The following ZBTB7C variants were observed in gnomAD, a reference collection of about 807,000 sequenced individuals.
The protein encoded by ZBTB7C is zinc finger and BTB domain containing 7C.
A neutral mutation model predicts 25.7 loss-of-function variants in ZBTB7C; 8 were observed. The ratio of observed to expected loss-of-function variants is 0.31; its 90% CI spans 0.18 to 0.56. ZBTB7C has a LOEUF of 0.56. Among genes scored for constraint, ZBTB7C ranks in the 20% least tolerant of loss-of-function variants. ZBTB7C has a pLI of 0.91. For synonymous variants in ZBTB7C, 394 were observed against 369.0 expected, an observed-to-expected ratio of 1.07 and a Z score of -0.78; for missense variants, 824 against 855.2, an observed-to-expected ratio of 0.96 and a Z score of 0.46.
At chr18:48,327,990 C>T (rs1233692594) in intron 2 of ZBTB7C, among the ~76,000 whole-genome samples, 4 of 151,820 alleles carry the variant, frequency 2.6e-5, no homozygotes, top group Admixed American at 1.3e-4. Flanking sequence ...GGGCGGATCA[C>T]GAGGTCAGGA....
At chr18:48,222,010 T>C (rs967197604) in intron 2 of ZBTB7C, among the ~76,000 whole-genome samples, 1 of 152,060 alleles carries the variant, frequency 6.6e-6, no homozygotes, top group East Asian at 1.9e-4. Flanking sequence ...AGTCTCCCTC[T>C]ATACTGTCCT....
intron 3 of ZBTB7C, among the ~76,000 whole-genome samples, chr18:48,075,487 G>A (rs982693471): frequency 2.6e-5 from 4 of 152,230 alleles, no homozygotes; most frequent in Non-Finnish European, 2.9e-5. Flanking sequence ...TGGAGTTCCA[G>A]GAAACACAGA....
At chr18:48,055,888 C>T (rs1170619259) in intron 3 of ZBTB7C, among the ~76,000 whole-genome samples, 1 of 152,206 alleles carries the variant, frequency 6.6e-6, no homozygotes, top group African/African-American at 2.4e-5. Flanking sequence ...CCCATCTCCA[C>T]CCTGGACTGA....
At chr18:48,361,151 T>C (rs1568399920) in intron 1 of ZBTB7C, among the ~76,000 whole-genome samples, 1 of 152,150 alleles carries the variant, frequency 6.6e-6, no homozygotes, top group Non-Finnish European at 1.5e-5. Flanking sequence ...CTCATCTCCC[T>C]GCGTCAGGCC....
chr18:48,139,511 T>C (rs907315461), intron 3 of ZBTB7C, among the ~76,000 whole-genome samples: 13 of 151,994 alleles, frequency 8.6e-5, no homozygotes, highest in African/African-American at 2.9e-4. Flanking sequence ...GGGTAGGCTA[T>C]GGGTGGTGCC....
chr18:48,241,939 A>C (rs1226542205), intron 2 of ZBTB7C, among the ~76,000 whole-genome samples: 1 of 152,186 alleles, frequency 6.6e-6, no homozygotes, highest in Non-Finnish European at 1.5e-5. Context: ...AACAAAATTG[A>C]AAGACCATTA....
intron 2 of ZBTB7C, among the ~76,000 whole-genome samples, chr18:48,187,850 A>T (rs2145141850): frequency 1.4e-5 from 2 of 147,656 alleles, no homozygotes; most frequent in Middle Eastern, 3.6e-3. Flanking sequence ...AAAGACAGGA[A>T]GTAGAATGGT....
At chr18:48,110,651 G>C (rs1057080844) in intron 3 of ZBTB7C, among the ~76,000 whole-genome samples, 8 of 152,156 alleles carry the variant, frequency 5.3e-5, no homozygotes, top group South Asian at 4.1e-4. Flanking sequence ...TCTGAATGTT[G>C]CTTCTCCAGG....
intron 1 of ZBTB7C, among the ~76,000 whole-genome samples, chr18:48,339,692 G>T (rs2046547020): frequency 6.6e-6 from 1 of 152,116 alleles, no homozygotes; most frequent in Admixed American, 6.5e-5. Flanking sequence ...GGGGGACATT[G>T]GCCTGTTTGC....
intron 3 of ZBTB7C, among the ~76,000 whole-genome samples, chr18:48,063,841 T>G (rs1347644114): frequency 6.6e-6 from 1 of 152,142 alleles, no homozygotes; most frequent in Non-Finnish European, 1.5e-5. Context: ...ATGCCTTTTT[T>G]GTATCCAACC....
At chr18:48,231,635 G>A (rs981361028) in intron 2 of ZBTB7C, among the ~76,000 whole-genome samples, 4 of 152,184 alleles carry the variant, frequency 2.6e-5, no homozygotes, top group African/African-American at 9.6e-5. Flanking sequence ...CTGGATGCAG[G>A]ACAAGAACTC....
intron 1 of ZBTB7C, among the ~76,000 whole-genome samples, chr18:48,379,451 T>C (rs1195677251): frequency 6.6e-6 from 1 of 152,238 alleles, no homozygotes; most frequent in African/African-American, 2.4e-5. Flanking sequence ...TATCTTACTA[T>C]GGAGTCTTCC....
chr18:48,383,089 C>G (rs2047669074), intron 1 of ZBTB7C, among the ~76,000 whole-genome samples: 1 of 152,112 alleles, frequency 6.6e-6, no homozygotes, highest in Admixed American at 6.5e-5. Flanking sequence ...CTGGAGGTAA[C>G]AGCATCTTAG....
chr18:48,063,099 G>A (rs2037185154), intron 3 of ZBTB7C, among the ~76,000 whole-genome samples: 1 of 152,238 alleles, frequency 6.6e-6, no homozygotes, highest in Admixed American at 6.5e-5. Flanking sequence ...AAGCCAAAAG[G>A]TGAGACCAAC....
chr18:48,105,955 C>A (rs2144637527), intron 3 of ZBTB7C, among the ~76,000 whole-genome samples: 1 of 152,380 alleles, frequency 6.6e-6, no homozygotes, highest in African/African-American at 2.4e-5. Context: ...TCTATGGTCT[C>A]ATGTTTTAGA....
At chr18:48,287,035 C>T (rs1182702244) in intron 2 of ZBTB7C, among the ~76,000 whole-genome samples, 2 of 152,000 alleles carry the variant, frequency 1.3e-5, no homozygotes. Context: ...AAAAAACTGA[C>T]CAGAAGATAT....
At chr18:48,192,862 C>A (rs898716967) in intron 2 of ZBTB7C, among the ~76,000 whole-genome samples, 1 of 152,082 alleles carries the variant, frequency 6.6e-6, no homozygotes. Context: ...AGAAACAAGG[C>A]GAGGGAGGGT....
intron 2 of ZBTB7C, among the ~76,000 whole-genome samples, chr18:48,316,427 G>C (rs2045948777): frequency 2.0e-5 from 3 of 152,334 alleles, no homozygotes; most frequent in Admixed American, 6.5e-5. Context: ...GCTGCAGCAT[G>C]GGGGTGATAT....
chr18:48,319,071 G>C (rs1240793383), intron 2 of ZBTB7C, among the ~76,000 whole-genome samples: 4 of 152,034 alleles, frequency 2.6e-5, no homozygotes, highest in African/African-American at 9.7e-5. Context: ...CATAAATTTT[G>C]TGTCAATTAA....
Sources: allele counts gnomAD v4.1 joint callset (sites outside exome capture counted in the v4.1 genomes callset), GRCh38; gene constraint gnomAD v4.1.1; transcripts MANE v1.5; gene names NCBI Gene and HGNC (gene_info 2026-07-23, HGNC 2026-07-21).